Variants in UBQLN1 observed in about 807,000 individuals in gnomAD.
UBQLN1 encodes the protein ubiquilin-1.
Under a neutral mutation model 65.4 loss-of-function variants are expected in UBQLN1, and 13 were observed. The ratio of observed to expected loss-of-function variants is 0.20; its 90% CI spans 0.13 to 0.32. The LOEUF (loss-of-function observed/expected upper bound fraction) is 0.32. Among genes scored for constraint, UBQLN1 ranks in the 10% least tolerant of loss-of-function variants. The pLI, the probability that UBQLN1 is intolerant of heterozygous loss-of-function variation, is 1.00. For synonymous variants in UBQLN1, 267 were observed against 247.8 expected, an observed-to-expected ratio of 1.08 and a Z score of -0.73; for missense variants, 561 against 724.0, an observed-to-expected ratio of 0.77 and a Z score of 2.58.
At chr9:83,685,396 G>GT (rs1277565382) in intron 2 of UBQLN1, among the ~76,000 whole-genome samples, 1 of 152,190 alleles carries the variant, frequency 6.6e-6, no homozygotes, top group Non-Finnish European at 1.5e-5. Flanking sequence ...CCATACCCAT[G>GT]TAAGTCTAAA....
intron 10 of UBQLN1, among the ~76,000 whole-genome samples, chr9:83,663,244 T>C (rs1317150383): frequency 6.6e-6 from 1 of 152,060 alleles, no homozygotes; most frequent in Non-Finnish European, 1.5e-5. Flanking sequence ...CTAACAGACC[T>C]TGAGACATTA....
intron 10 of UBQLN1, among the ~76,000 whole-genome samples, chr9:83,663,621 T>C (rs1468927280): frequency 2.0e-5 from 3 of 152,184 alleles, no homozygotes; most frequent in Non-Finnish European, 4.4e-5. Context: ...AGGCAATTTC[T>C]AAAAAATAAG....
At chr9:83,672,425 C>CT (rs982727547) in intron 6 of UBQLN1, among the ~76,000 whole-genome samples, 25 of 152,090 alleles carry the variant, frequency 1.6e-4, no homozygotes, top group Non-Finnish European at 2.8e-4. Context: ...ATGCAGGAGT[C>CT]TTTTTTTATA....
Position 83,661,351 on chromosome 9 carries a change from A to G in UBQLN1, c.*436T>C, listed in dbSNP as rs187734173. The G allele has an allele frequency of 6.1e-6, 1 of 163,300 alleles. No individual in the cohort carries two copies. Among genetic ancestry groups the G allele is most frequent in the East Asian group, 1.9e-4 (1 of 5,232 alleles). 10.1% of individuals were successfully genotyped at this position (163,300 alleles called of 1,614,324 possible). On this transcript the variant is annotated 3_prime_UTR_variant, in exon 11 of 11. Coordinates refer to ENST00000376395, the MANE Select transcript of UBQLN1 (RefSeq NM_013438.5). ...AAATTATCAGTAGTATAAATCTTAC[A>G]GCATTGTTTGCAAAAATGCATGCCA...
rs766459859 is a variant in UBQLN1 at position 83,683,414 on chromosome 9, C to CAAAAA, written c.333-353_333-349dup. Among the ~76,000 whole-genome samples the CAAAAA allele has an allele frequency of 5.1e-4, 36 of 70,896 alleles. 1 individual carries two copies. The highest frequency in any genetic ancestry group is 1.8e-3 in the Admixed American group (11 of 6,080). The allele number at this position is 70,896 out of a possible 152,430, so 46.5% of individuals were successfully genotyped here. A position where few individuals can be genotyped will look rare whatever the true frequency, so the allele number is the denominator to read the frequency against. ...TGGGCAACAGAGCGAGACTCCGTCT[C>CAAAAA]AAAAAAAAAAAAAAAAAAAAAAGAA... is the stretch of plus-strand genomic sequence containing the variant. On this transcript the variant is annotated intron_variant, in intron 2 of 10. Transcript: ENST00000376395.
At chr9:83,663,663 C>T (rs543743998) in intron 10 of UBQLN1, among the ~76,000 whole-genome samples, 98 of 152,224 alleles carry the variant, frequency 6.4e-4, no homozygotes, top group African/African-American at 1.9e-3. Context: ...TCTCTACAAC[C>T]GTAACAACGT....
intron 1 of UBQLN1, among the ~76,000 whole-genome samples, chr9:83,688,673 C>T (rs900195554): frequency 3.3e-5 from 5 of 151,822 alleles, no homozygotes; most frequent in Non-Finnish European, 7.4e-5. Context: ...ACATCTTGGC[C>T]AACATGGTGA....
intron 6 of UBQLN1, among the ~76,000 whole-genome samples, chr9:83,677,240 G>A (rs573664703): frequency 6.6e-6 from 1 of 152,268 alleles, no homozygotes; most frequent in Admixed American, 6.5e-5. Context: ...GTAAATAAGT[G>A]TTCTCTCTAC....
intron 1 of UBQLN1, 33 bp downstream of exon 1, chr9:83,707,467 C>T: frequency 1.9e-6 from 3 of 1,588,636 alleles, no homozygotes; most frequent in South Asian, 2.3e-5. Flanking sequence ...CTGCCGCCAC[C>T]CCCATCCCGG....
chr9:83,686,251 C>T (rs777785259), intron 1 of UBQLN1, 96 bp from the exon 2 acceptor site: 11 of 774,406 alleles, frequency 1.4e-5, no homozygotes, highest in African/African-American at 7.4e-5. Flanking sequence ...CTACTACAGA[C>T]GCTACAATTC....
chr9:83,670,838 T>A (rs1831717427), intron 6 of UBQLN1, among the ~76,000 whole-genome samples: 1 of 152,228 alleles, frequency 6.6e-6, no homozygotes, highest in Non-Finnish European at 1.5e-5. Context: ...TCACAGCATC[T>A]TCACTTACAG....
intron 1 of UBQLN1, among the ~76,000 whole-genome samples, chr9:83,706,543 A>AAACTGATAGGTAC (rs1832410185): frequency 6.6e-6 from 1 of 152,226 alleles, no homozygotes; most frequent in Admixed American, 6.5e-5. Flanking sequence ...ACATTTCAGG[A>AAACTGATAGGTAC]ATTGTTGTTT....
Position 83,666,413 on chromosome 9 carries a change from T to C in UBQLN1, c.1269A>G (p.Leu423=), listed in dbSNP as rs1831644012. 7 of 1,613,856 alleles carry C rather than the reference T, an allele frequency of 4.3e-6. No homozygotes were observed. The South Asian group carries it at 4.4e-5, about 10-fold the overall frequency. The change falls in exon 8 of 11, where the codon CTA becomes CTG. Residue 423 remains leucine (L), a synonymous_variant. Coordinates refer to ENST00000376395, the MANE Select transcript of UBQLN1 (RefSeq NM_013438.5). ...CTTGAAGCTGAGGATTTCCAGCAAATAGGGGATTATTCAGCATCATCTATG... is the reference window on the plus strand; with the variant it reads ...CTTGAAGCTGAGGATTTCCAGCAAACAGGGGATTATTCAGCATCATCTATG... ...LAAQMMLNNP[L]FAGNPQLQEQ...
intron 3 of UBQLN1, 82 bp from the exon 4 acceptor site, chr9:83,680,119 A>C: frequency 7.1e-7 from 1 of 1,410,420 alleles, no homozygotes. Context: ...AAGATGCAAA[A>C]AAGTATTAGC....
intron 10 of UBQLN1, among the ~76,000 whole-genome samples, chr9:83,663,568 T>G (rs1412410044): frequency 1.3e-5 from 2 of 152,136 alleles, no homozygotes; most frequent in Non-Finnish European, 2.9e-5. Context: ...CAAAATCTAT[T>G]TCAAATGATT....
At chr9:83,705,427 T>A (rs767736565) in intron 1 of UBQLN1, among the ~76,000 whole-genome samples, 36 of 152,126 alleles carry the variant, frequency 2.4e-4, no homozygotes, top group Admixed American at 6.5e-5. Context: ...GTTTTGTATT[T>A]TTAGTAGAGA....
intron 1 of UBQLN1, among the ~76,000 whole-genome samples, chr9:83,696,446 T>A (rs1248293185): frequency 6.6e-6 from 1 of 151,816 alleles, no homozygotes; most frequent in African/African-American, 2.4e-5. Context: ...CCTGTCTCTA[T>A]AAAAACAAAC....
intron 10 of UBQLN1, among the ~76,000 whole-genome samples, chr9:83,662,172 T>C (rs1368614149): frequency 6.6e-6 from 1 of 152,004 alleles, no homozygotes; most frequent in Non-Finnish European, 1.5e-5. Context: ...GACTCTACTT[T>C]AGGGGAGGGG....
intron 1 of UBQLN1, among the ~76,000 whole-genome samples, chr9:83,707,276 C>T (rs1439588834): frequency 6.6e-6 from 1 of 152,160 alleles, no homozygotes; most frequent in African/African-American, 2.4e-5. Context: ...CCGAGAAAAG[C>T]GGCATCAGCC....
Sources: gnomAD v4.1 joint callset for allele counts (sites outside exome capture counted in the v4.1 genomes callset) on GRCh38, gnomAD v4.1.1 for gene constraint, MANE v1.5 for transcripts, NCBI Gene and HGNC (gene_info 2026-07-23, HGNC 2026-07-21) for gene names.